Variants in CFAP410 observed in about 807,000 individuals in gnomAD.
CFAP410 encodes cilia and flagella associated protein 410.
In CFAP410, 27 loss-of-function variants were observed where a neutral mutation model predicts 25.7. The ratio of observed to expected loss-of-function variants is 1.05; its 90% CI spans 0.77 to 1.45. The LOEUF is 1.45. Ranked by LOEUF, CFAP410 falls within the 40% of genes most tolerant of loss-of-function variation. The pLI, the probability that CFAP410 is intolerant of heterozygous loss-of-function variation, is 0.00. For missense variants in CFAP410, 428 were observed against 354.1 expected (o/e 1.21, Z -1.67); for synonymous variants, 178 against 158.4 (o/e 1.12, Z -0.93).
intron 4 of CFAP410, 87 bp downstream of exon 4, chr21:44,332,946 A>G: frequency 1.1e-6 from 1 of 886,148 alleles, no homozygotes; most frequent in Non-Finnish European, 1.8e-6. Flanking sequence ...AGGTATTTGC[A>G]GAAAAGGAGA....
At position 44,339,370 on chromosome 21, in the gene CFAP410, C is replaced by T. The variant is rs1292183809; in HGVS notation, c.-176G>A. ...CGCGAGCCCGCTGGGGCCGCTTGGG[C>T]GCCGCTGACACGTTGGCTCTGCTCC... On this transcript the variant is annotated 5_prime_UTR_variant, in exon 1 of 7. Coordinates refer to ENST00000339818, the MANE Select transcript of CFAP410 (RefSeq NM_004928.3). 2 of 423,968 alleles carry T rather than the reference C, an allele frequency of 4.7e-6. No homozygotes were observed. The highest frequency in any genetic ancestry group is 3.7e-5 in the East Asian group (1 of 26,962). The allele number at this position is 423,968 out of a possible 1,614,324, so 26.3% of individuals were successfully genotyped here.
intron 3 of CFAP410, chr21:44,334,787 G>A (rs971911405): frequency 8.5e-5 from 15 of 177,408 alleles, no homozygotes; most frequent in South Asian, 4.7e-4. Flanking sequence ...GCTGGTGCCC[G>A]CGCTGGGGAT....
At chr21:44,331,756 G>T in intron 5 of CFAP410, 87 bp downstream of exon 5, 2 of 1,278,080 alleles carry the variant, frequency 1.6e-6, no homozygotes, top group Non-Finnish European at 2.2e-6. Context: ...CAGAGACGCA[G>T]CTCACGGGAA....
chr21:44,332,035 G>C (rs1298823186), intron 4 of CFAP410, 21 bp from the exon 5 acceptor site: 1 of 1,581,112 alleles, frequency 6.3e-7, no homozygotes, highest in African/African-American at 1.4e-5. Context: ...AAAGACAGAA[G>C]ACAGCATGAG....
chr21:44,331,101 T>C (rs570903903), intron 5 of CFAP410, 182 bp from the exon 6 acceptor site: 2 of 625,096 alleles, frequency 3.2e-6, no homozygotes, highest in South Asian at 2.0e-5. Flanking sequence ...TGGCAGCTCC[T>C]GGAGAGCCCG....
chr21:44,336,666 G>A (rs761911775), intron 2 of CFAP410, among the ~76,000 whole-genome samples: 2 of 152,126 alleles, frequency 1.3e-5, no homozygotes, highest in Non-Finnish European at 2.9e-5. Flanking sequence ...TATATTCACT[G>A]CTAAACATGC....
At chr21:44,335,055 T>C (rs1034358564) in intron 3 of CFAP410, 4 of 153,184 alleles carry the variant, frequency 2.6e-5, no homozygotes, top group African/African-American at 9.6e-5. Context: ...TAAACCCTTG[T>C]GAGCTTTTAA....
chr21:44,333,660 G>A, intron 3 of CFAP410: 1 of 309,616 alleles, frequency 3.2e-6, no homozygotes. Context: ...AAAACTAGGA[G>A]CCAGCTCCAC....
In CFAP410 at chr21:44,330,080, C is replaced by T. The variant is rs575555871; in HGVS notation, c.*118G>A. 7.3e-5 allele frequency: 90 copies of T among 1,231,592 alleles called. No homozygotes were observed. Among genetic ancestry groups the T allele is most frequent in the Middle Eastern group, 2.8e-4 (1 of 3,614 alleles). 76.3% of individuals were successfully genotyped at this position (1,231,592 alleles called of 1,614,324 possible). A position where few individuals can be genotyped will look rare whatever the true frequency, so the allele number is the denominator to read the frequency against. On this transcript the variant is annotated 3_prime_UTR_variant, in exon 7 of 7. Transcript: ENST00000339818. ...CCTGCCCTCGGCCGATGTGGCAAAC[C>T]GGGGAGGCTTTTGTGTGGGGCCGGG...
At chr21:44,330,472 C>G in intron 6 of CFAP410, 146 bp from the exon 7 acceptor site, 7 of 1,532,120 alleles carry the variant, frequency 4.6e-6, no homozygotes, top group Non-Finnish European at 6.2e-6. Context: ...CCGGCACACT[C>G]GGAGAATCTG....
intron 1 of CFAP410, chr21:44,338,297 T>C: frequency 7.8e-7 from 1 of 1,289,132 alleles, no homozygotes; most frequent in Non-Finnish European, 1.0e-6. Flanking sequence ...CACACCCGCC[T>C]GCACGGTGAG....
chr21:44,334,114 C>T, intron 3 of CFAP410: 1 of 456,296 alleles, frequency 2.2e-6, no homozygotes, highest in South Asian at 1.5e-5. Context: ...CTGCCTCAGG[C>T]ACAGGCAGCA....
intron 3 of CFAP410, 62 bp downstream of exon 3, chr21:44,335,696 G>A: frequency 7.8e-7 from 1 of 1,285,018 alleles, no homozygotes; most frequent in Non-Finnish European, 1.1e-6. Context: ...CCACTGGAGG[G>A]ACGTGAGGCT....
Position 44,329,879 on chromosome 21 carries a change from C to T in CFAP410, c.*319G>A. 3.3e-6 allele frequency: 1 copy of T among 301,540 alleles called. No homozygotes were observed. Among genetic ancestry groups the T allele is most frequent in the South Asian group, 6.5e-5 (1 of 15,314 alleles). 18.7% of individuals were successfully genotyped at this position (301,540 alleles called of 1,614,324 possible). ...GTCACAACCATGCCTTGGGAAACGT[C>T]ACCTCCAGATCAACCTTGGGAAAAT... On this transcript the variant is annotated 3_prime_UTR_variant, in exon 7 of 7. Transcript: ENST00000339818.
rs763529629 is a variant in CFAP410 at position 44,337,682 on chromosome 21, G to A, written c.78-15C>T. The stretch of plus-strand genomic sequence containing the variant: ...GGCGGCTGCCCCTGGGGAGAGAAAA[G>A]ATACATACTTTAATTTTGTTAAAGT... On this transcript the variant is annotated splice_polypyrimidine_tract_variant and intron_variant, in intron 1 of 6. Transcript: ENST00000339818. 2.5e-6 allele frequency: 4 copies of A among 1,607,406 alleles called. No homozygotes were observed. The Admixed American group carries it at 5.1e-5, about 20-fold the overall frequency.
intron 2 of CFAP410, among the ~76,000 whole-genome samples, chr21:44,336,673 A>G (rs928129282): frequency 1.3e-5 from 2 of 152,232 alleles, no homozygotes; most frequent in African/African-American, 4.8e-5. Flanking sequence ...ACTGCTAAAC[A>G]TGCAGTATTT....
Position 44,329,981 on chromosome 21 carries a change from G to A in CFAP410, c.*217C>T, listed in dbSNP as rs964474372. 1.1e-5 allele frequency: 6 copies of A among 559,698 alleles called. No homozygotes were observed. Among genetic ancestry groups the A allele is most frequent in the Non-Finnish European group, 1.9e-5 (6 of 318,562 alleles). The allele number at this position is 559,698 out of a possible 1,614,324, so 34.7% of individuals were successfully genotyped here. ...AGCCTAGAACCTCCAGACCACAGAA[G>A]GGGAGTCCTGGGGACAGGACTGGTG... On this transcript the variant is annotated 3_prime_UTR_variant, in exon 7 of 7. Coordinates refer to ENST00000339818, the MANE Select transcript of CFAP410 (RefSeq NM_004928.3).
intron 3 of CFAP410, chr21:44,333,619 A>G: frequency 2.7e-6 from 1 of 375,008 alleles, no homozygotes; most frequent in East Asian, 4.8e-5. Flanking sequence ...TGTTGCCCCA[A>G]AGCAGGGAGC....
chr21:44,331,285 A>T (rs1258703106), intron 5 of CFAP410: 4 of 333,618 alleles, frequency 1.2e-5, no homozygotes, highest in Non-Finnish European at 2.2e-5. Context: ...CCTAACAGAG[A>T]TCACATCCCG....
Sources: gnomAD v4.1 joint callset for allele counts (sites outside exome capture counted in the v4.1 genomes callset) on GRCh38, gnomAD v4.1.1 for gene constraint, MANE v1.5 for transcripts, NCBI Gene and HGNC (gene_info 2026-07-23, HGNC 2026-07-21) for gene names.